EXOC4: variants seen among roughly 807,000 people sequenced by gnomAD.
The protein encoded by EXOC4 is exocyst complex component 4.
EXOC4 carries 71 observed loss-of-function variants against 107.2 expected under a neutral mutation model. The ratio of observed to expected loss-of-function variants is 0.66; its 90% CI spans 0.55 to 0.81. The LOEUF (loss-of-function observed/expected upper bound fraction) is 0.81. EXOC4 is among the 30% of genes least tolerant of loss of function. EXOC4 has a pLI of 0.00. For missense variants in EXOC4, 1,108 were observed against 1,189.6 expected (o/e 0.93, Z 1.01); for synonymous variants, 456 against 441.2 (o/e 1.03, Z -0.42).
intron 13 of EXOC4, among the ~76,000 whole-genome samples, chr7:133,929,874 C>T (rs1417699827): frequency 3.9e-5 from 6 of 152,048 alleles, no homozygotes. Flanking sequence ...CTTCTCTATT[C>T]CAAGAGAAGA....
At chr7:133,719,560 G>C (rs545781426) in intron 10 of EXOC4, among the ~76,000 whole-genome samples, 3 of 151,624 alleles carry the variant, frequency 2.0e-5, no homozygotes, top group Admixed American at 2.0e-4. Context: ...TAAGCCCTTA[G>C]TTGCAGTGTG....
At chr7:133,976,613 A>G (rs1454321227) in intron 14 of EXOC4, among the ~76,000 whole-genome samples, 1 of 152,190 alleles carries the variant, frequency 6.6e-6, no homozygotes, top group Non-Finnish European at 1.5e-5. Flanking sequence ...ATGGTTCACA[A>G]GAGGGAGAAA....
At chr7:133,665,252 T>A (rs940516382) in intron 10 of EXOC4, among the ~76,000 whole-genome samples, 1 of 152,174 alleles carries the variant, frequency 6.6e-6, no homozygotes, top group African/African-American at 2.4e-5. Flanking sequence ...CCCTTCCCAT[T>A]TGACTTTTAC....
rs1563076060 is a variant in EXOC4 at position 133,971,398 on chromosome 7, AG to A, written c.2207-26093del. Among the ~76,000 whole-genome samples the A allele has an allele frequency of 4.2e-3, 555 of 132,702 alleles. 9 individuals carry two copies. Among genetic ancestry groups the A allele is most frequent in the East Asian group, 9.2e-3 (36 of 3,902 alleles). 87.1% of individuals were successfully genotyped at this position (132,702 alleles called of 152,430 possible). A position where few individuals can be genotyped will look rare whatever the true frequency, so the allele number is the denominator to read the frequency against. On this transcript the variant is annotated intron_variant, in intron 14 of 17. Coordinates refer to ENST00000253861, the MANE Select transcript of EXOC4 (RefSeq NM_021807.4). ...GAGAGAGAGAGAGAGAGAGAGAGAG[AG>A]AGAAAGAGAGAGAGAATATGTATTC...
At chr7:133,562,947 G>T (rs1185610498) in intron 9 of EXOC4, among the ~76,000 whole-genome samples, 1 of 152,116 alleles carries the variant, frequency 6.6e-6, no homozygotes, top group Non-Finnish European at 1.5e-5. Context: ...GGAATGCACT[G>T]GTCTGCTGGG....
At chr7:133,907,368 C>T (rs1412469454) in intron 12 of EXOC4, among the ~76,000 whole-genome samples, 1 of 115,836 alleles carries the variant, frequency 8.6e-6, no homozygotes, top group Non-Finnish European at 1.7e-5. Context: ...GTTTAACTGT[C>T]TTTCTTTAAA....
intron 7 of EXOC4, among the ~76,000 whole-genome samples, chr7:133,427,327 C>G (rs776019045): frequency 2.0e-5 from 3 of 152,122 alleles, no homozygotes; most frequent in Non-Finnish European, 2.9e-5. Context: ...TGTTTGCTGT[C>G]TGTATGCTAA....
intron 10 of EXOC4, among the ~76,000 whole-genome samples, chr7:133,697,539 A>G (rs1194563605): frequency 6.6e-6 from 1 of 152,196 alleles, no homozygotes; most frequent in Non-Finnish European, 1.5e-5. Flanking sequence ...ATTAAAAGCA[A>G]TGTTAAAGAA....
chr7:133,855,167 T>A (rs184104133), intron 11 of EXOC4, among the ~76,000 whole-genome samples: 998 of 84,176 alleles, frequency 0.012, 2 homozygotes, highest in Middle Eastern at 0.018. Flanking sequence ...ATATATATAT[T>A]TTTTTTATCA....
intron 10 of EXOC4, among the ~76,000 whole-genome samples, chr7:133,757,164 C>G (rs1795936170): frequency 6.6e-6 from 1 of 152,024 alleles, no homozygotes; most frequent in South Asian, 2.1e-4. Flanking sequence ...TTCCAGGGCC[C>G]TCTTCTTACA....
intron 9 of EXOC4, among the ~76,000 whole-genome samples, chr7:133,616,800 C>A (rs569747855): frequency 6.6e-6 from 1 of 152,072 alleles, no homozygotes; most frequent in African/African-American, 2.4e-5. Context: ...TCGATATCAA[C>A]GATTATAATT....
intron 9 of EXOC4, among the ~76,000 whole-genome samples, chr7:133,606,487 T>A (rs1801948345): frequency 6.6e-6 from 1 of 151,526 alleles, no homozygotes; most frequent in African/African-American, 2.4e-5. Flanking sequence ...ACTGCTTCCT[T>A]TGCTGCTGTT....
chr7:133,827,481 A>G (rs1351809042), intron 11 of EXOC4, among the ~76,000 whole-genome samples: 1 of 152,240 alleles, frequency 6.6e-6, no homozygotes, highest in Non-Finnish European at 1.5e-5. Context: ...TATTTAAACT[A>G]GCTTCTATAT....
intron 9 of EXOC4, among the ~76,000 whole-genome samples, chr7:133,531,864 C>G (rs534928525): frequency 5.9e-5 from 9 of 152,020 alleles, no homozygotes; most frequent in Non-Finnish European, 1.2e-4. Context: ...TTGAATATCC[C>G]GTATCCAAAA....
chr7:134,052,344 T>G (rs989963694), intron 17 of EXOC4, among the ~76,000 whole-genome samples: 2 of 151,866 alleles, frequency 1.3e-5, no homozygotes, highest in Non-Finnish European at 2.9e-5. Flanking sequence ...GATACAAGAG[T>G]TAAAAATAAA....
intron 9 of EXOC4, among the ~76,000 whole-genome samples, chr7:133,492,752 T>G (rs1361848164): frequency 6.6e-6 from 1 of 152,224 alleles, no homozygotes; most frequent in African/African-American, 2.4e-5. Flanking sequence ...ACCCTGTATT[T>G]TTATTATTAA....
chr7:133,412,929 AGGT>A (rs1797396229), intron 7 of EXOC4, among the ~76,000 whole-genome samples: 1 of 152,042 alleles, frequency 6.6e-6, no homozygotes, highest in African/African-American at 2.4e-5. Context: ...TCTTTCTTAG[AGGT>A]GCTGAAGGCA....
intron 10 of EXOC4, among the ~76,000 whole-genome samples, chr7:133,780,580 T>G (rs1310122200): frequency 6.6e-6 from 1 of 152,224 alleles, no homozygotes; most frequent in Non-Finnish European, 1.5e-5. Flanking sequence ...CAGGAATTAT[T>G]GTTTGTACAA....
At chr7:133,978,256 T>A (rs1395969184) in intron 14 of EXOC4, among the ~76,000 whole-genome samples, 2 of 152,246 alleles carry the variant, frequency 1.3e-5, no homozygotes, top group Non-Finnish European at 2.9e-5. Context: ...TCTGGGCTGC[T>A]GCACTATTCT....
Sources: gnomAD v4.1 joint callset for allele counts (sites outside exome capture counted in the v4.1 genomes callset) on GRCh38, gnomAD v4.1.1 for gene constraint, MANE v1.5 for transcripts, NCBI Gene and HGNC (gene_info 2026-07-23, HGNC 2026-07-21) for gene names.